Variants in SUSD6 observed in about 807,000 individuals in gnomAD.
SUSD6 encodes sushi domain containing 6.
Under a neutral mutation model 28.4 loss-of-function variants are expected in SUSD6, and 16 were observed. That is an observed-to-expected ratio of 0.56 (90% confidence interval 0.38 to 0.86). The LOEUF is 0.86. Among genes scored for constraint, SUSD6 ranks in the 40% least tolerant of loss-of-function variants. The pLI is 0.00. For missense variants in SUSD6, 341 were observed against 384.2 expected, an observed-to-expected ratio of 0.89 and a Z score of 0.94; for synonymous variants, 147 against 159.6, an observed-to-expected ratio of 0.92 and a Z score of 0.59.
intron 1 of SUSD6, among the ~76,000 whole-genome samples, chr14:69,620,215 G>A (rs781281435): frequency 2.6e-5 from 4 of 152,286 alleles, no homozygotes; most frequent in South Asian, 4.1e-4. Flanking sequence ...TGGGAATTTT[G>A]CTTGTTACAC....
intron 2 of SUSD6, among the ~76,000 whole-genome samples, chr14:69,699,437 C>G (rs944218392): frequency 6.6e-6 from 1 of 152,082 alleles, no homozygotes; most frequent in Non-Finnish European, 1.5e-5. Flanking sequence ...CTCCTGACCT[C>G]AAGTGATCCG....
At chr14:69,666,902 C>G (rs1424258260) in intron 2 of SUSD6, among the ~76,000 whole-genome samples, 1 of 151,980 alleles carries the variant, frequency 6.6e-6, no homozygotes, top group East Asian at 1.9e-4. Flanking sequence ...GAAGTTATGA[C>G]CAAGTAAAAA....
intron 1 of SUSD6, among the ~76,000 whole-genome samples, chr14:69,656,775 A>G (rs1336367554): frequency 6.6e-6 from 1 of 152,242 alleles, no homozygotes; most frequent in Non-Finnish European, 1.5e-5. Flanking sequence ...CTTGACCACA[A>G]GGTCATAATA....
chr14:69,688,166 T>G (rs1412085684), intron 2 of SUSD6, among the ~76,000 whole-genome samples: 3 of 152,254 alleles, frequency 2.0e-5, no homozygotes, highest in African/African-American at 7.2e-5. Flanking sequence ...CTGCCCTACT[T>G]CTGTTCCTCT....
chr14:69,638,398 G>T (rs966668959), intron 1 of SUSD6, among the ~76,000 whole-genome samples: 19 of 150,628 alleles, frequency 1.3e-4, no homozygotes, highest in African/African-American at 4.7e-4. Context: ...TGAGTTTGAA[G>T]GTTCTGAACT....
chr14:69,612,216 C>T (rs1274077025), intron 1 of SUSD6, among the ~76,000 whole-genome samples: 1 of 152,140 alleles, frequency 6.6e-6, no homozygotes, highest in Non-Finnish European at 1.5e-5. Flanking sequence ...CAGAGGCCCT[C>T]TGTGCCACTG....
chr14:69,653,232 C>T (rs1595043087), intron 1 of SUSD6, among the ~76,000 whole-genome samples: 1 of 152,168 alleles, frequency 6.6e-6, no homozygotes, highest in Admixed American at 6.5e-5. Flanking sequence ...AGAGGCTGCC[C>T]TTTTGGGGCT....
chr14:69,661,891 C>T (rs1345033989), intron 2 of SUSD6, among the ~76,000 whole-genome samples: 1 of 152,096 alleles, frequency 6.6e-6, no homozygotes, highest in Non-Finnish European at 1.5e-5. Flanking sequence ...CCTTGACCTC[C>T]CAGGCTGGAG....
chr14:69,631,062 C>G (rs1201618244), intron 1 of SUSD6, among the ~76,000 whole-genome samples: 1 of 152,198 alleles, frequency 6.6e-6, no homozygotes, highest in Non-Finnish European at 1.5e-5. Context: ...GACCTGTGTC[C>G]CCAAAGCTTG....
intron 2 of SUSD6, among the ~76,000 whole-genome samples, chr14:69,689,099 T>C (rs1166614100): frequency 6.6e-6 from 1 of 152,214 alleles, no homozygotes; most frequent in African/African-American, 2.4e-5. Flanking sequence ...ATCCCCGTCA[T>C]AATCCTTTAT....
chr14:69,701,122 G>A (rs1886306966), intron 2 of SUSD6, among the ~76,000 whole-genome samples: 1 of 151,978 alleles, frequency 6.6e-6, no homozygotes, highest in South Asian at 2.1e-4. Flanking sequence ...TCAGAGCATA[G>A]CACAGTGACC....
chr14:69,612,229 A>G (rs986869354), intron 1 of SUSD6, among the ~76,000 whole-genome samples: 2 of 152,088 alleles, frequency 1.3e-5, no homozygotes, highest in Admixed American at 6.5e-5. Flanking sequence ...TGCCACTGTC[A>G]TTACTGCCCT....
chr14:69,676,581 G>A (rs1885913691), intron 2 of SUSD6, among the ~76,000 whole-genome samples: 1 of 152,088 alleles, frequency 6.6e-6, no homozygotes, highest in Non-Finnish European at 1.5e-5. Flanking sequence ...TTTTTTTAGA[G>A]ATGACATCTT....
chr14:69,707,955 T>A (rs1886408696), intron 4 of SUSD6, among the ~76,000 whole-genome samples: 1 of 152,194 alleles, frequency 6.6e-6, no homozygotes, highest in African/African-American at 2.4e-5. Flanking sequence ...GGCAGTGTTC[T>A]TTTTCTTGAC....
At chr14:69,618,332 G>A (rs1452273679) in intron 1 of SUSD6, among the ~76,000 whole-genome samples, 2 of 152,190 alleles carry the variant, frequency 1.3e-5, no homozygotes, top group Admixed American at 6.5e-5. Flanking sequence ...ACCTGATTAT[G>A]TATATACAAA....
chr14:69,632,351 C>T (rs1003111358), intron 1 of SUSD6, among the ~76,000 whole-genome samples: 1 of 152,108 alleles, frequency 6.6e-6, no homozygotes, highest in African/African-American at 2.4e-5. Flanking sequence ...TCAGGGCTGA[C>T]ACTTCTCTGT....
intron 2 of SUSD6, among the ~76,000 whole-genome samples, chr14:69,660,889 A>G (rs898714341): frequency 2.6e-5 from 4 of 152,252 alleles, no homozygotes; most frequent in Non-Finnish European, 4.4e-5. Flanking sequence ...GACAAAGACC[A>G]TGTGGCCTGA....
chr14:69,679,284 C>T (rs1885963157), intron 2 of SUSD6, among the ~76,000 whole-genome samples: 1 of 152,098 alleles, frequency 6.6e-6, no homozygotes, highest in South Asian at 2.1e-4. Flanking sequence ...CTTTTTTGCA[C>T]TCATTGTTTC....
chr14:69,654,904 C>G (rs1267888305), intron 1 of SUSD6, among the ~76,000 whole-genome samples: 10 of 149,322 alleles, frequency 6.7e-5, no homozygotes, highest in African/African-American at 2.5e-4. Flanking sequence ...AAGCGATTCT[C>G]CTGCCTCAGC....
Sources: allele counts gnomAD v4.1 joint callset (sites outside exome capture counted in the v4.1 genomes callset), GRCh38; gene constraint gnomAD v4.1.1; transcripts MANE v1.5; gene names NCBI Gene and HGNC (gene_info 2026-07-23, HGNC 2026-07-21).